The following OSBPL1A variants were observed in gnomAD, a reference collection of about 807,000 sequenced individuals.
OSBPL1A encodes the protein oxysterol binding protein like 1A, also known as oxysterol-binding protein-related protein 1.
Under a neutral mutation model 137.1 loss-of-function variants are expected in OSBPL1A, and 80 were observed. That is an observed-to-expected ratio of 0.58 (90% CI 0.49 to 0.70). OSBPL1A has a LOEUF of 0.70. Among genes scored for constraint, OSBPL1A ranks in the 30% least tolerant of loss-of-function variants. The pLI, the probability that OSBPL1A is intolerant of heterozygous loss-of-function variation, is 0.00. For missense variants in OSBPL1A, 970 were observed against 1,129.4 expected, an observed-to-expected ratio of 0.86 and a Z score of 2.02; for synonymous variants, 365 against 389.7, an observed-to-expected ratio of 0.94 and a Z score of 0.75.
intron 15 of OSBPL1A, among the ~76,000 whole-genome samples, chr18:24,270,271 T>C (rs2146055956): frequency 6.6e-6 from 1 of 152,364 alleles, no homozygotes; most frequent in African/African-American, 2.4e-5. Flanking sequence ...GTTGCATAAT[T>C]ATTTTCTCAG....
chr18:24,374,117 G>T (rs1340911686), intron 2 of OSBPL1A, among the ~76,000 whole-genome samples: 1 of 152,138 alleles, frequency 6.6e-6, no homozygotes, highest in East Asian at 1.9e-4. Context: ...CTTTGCTGAA[G>T]AATGGGGGGA....
intron 17 of OSBPL1A, among the ~76,000 whole-genome samples, chr18:24,224,635 G>A (rs940176403): frequency 1.3e-5 from 2 of 152,200 alleles, no homozygotes; most frequent in Admixed American, 1.3e-4. Flanking sequence ...CAACAGACTG[G>A]CAACATTGCC....
intron 4 of OSBPL1A, among the ~76,000 whole-genome samples, chr18:24,351,081 C>T (rs1349364265): frequency 1.3e-5 from 2 of 152,172 alleles, no homozygotes; most frequent in East Asian, 3.9e-4. Context: ...GGCACGGTGG[C>T]TCACACTTGT....
At chr18:24,263,521 T>C (rs942956431) in intron 15 of OSBPL1A, among the ~76,000 whole-genome samples, 2 of 152,354 alleles carry the variant, frequency 1.3e-5, no homozygotes, top group Admixed American at 6.5e-5. Context: ...AACACTGCGA[T>C]TGCAATATTT....
chr18:24,389,255 T>A (rs1321927502), intron 1 of OSBPL1A, among the ~76,000 whole-genome samples: 1 of 152,238 alleles, frequency 6.6e-6, no homozygotes, highest in African/African-American at 2.4e-5. Flanking sequence ...GCCATGAGAA[T>A]GTTTTCCAGG....
chr18:24,289,195 C>T (rs1237015249), intron 14 of OSBPL1A, among the ~76,000 whole-genome samples: 1 of 152,092 alleles, frequency 6.6e-6, no homozygotes, highest in Non-Finnish European at 1.5e-5. Context: ...CATCAATCCC[C>T]CTCTACCCTT....
rs561853834 is a variant in OSBPL1A at position 24,275,633 on chromosome 18, C to T, written c.1281+5209G>A. ...GATCTCTCTTCAAAGATACCAGTGT[C>T]CAGTCCAAAGAAGCAGTACAGAATT... On this transcript the variant is annotated intron_variant, in intron 15 of 27. Transcript: ENST00000319481. Among the ~76,000 whole-genome samples, 8 of 152,294 alleles carry T rather than the reference C, an allele frequency of 5.3e-5. No individual in the cohort carries two copies. In the East Asian group the frequency reaches 1.2e-3, roughly 22 times the overall value.
At chr18:24,204,558 CTTTT>C (rs34877962) in intron 17 of OSBPL1A, among the ~76,000 whole-genome samples, 2 of 143,248 alleles carry the variant, frequency 1.4e-5, no homozygotes, top group African/African-American at 2.6e-5. Flanking sequence ...AAAGCTGTTT[CTTTT>C]TTTTTTTTTT....
chr18:24,169,286 C>T (rs371738840), intron 24 of OSBPL1A, among the ~76,000 whole-genome samples: 8 of 152,330 alleles, frequency 5.3e-5, no homozygotes, highest in African/African-American at 1.7e-4. Context: ...CATAAATACA[C>T]CTTCTGCTTT....
At chr18:24,371,937 T>C (rs1386102291) in intron 2 of OSBPL1A, among the ~76,000 whole-genome samples, 1 of 152,232 alleles carries the variant, frequency 6.6e-6, no homozygotes, top group Non-Finnish European at 1.5e-5. Flanking sequence ...CCATATCCTT[T>C]GGAAAATTTA....
intron 15 of OSBPL1A, among the ~76,000 whole-genome samples, chr18:24,279,680 C>T (rs1357975291): frequency 7.9e-5 from 12 of 151,950 alleles, no homozygotes; most frequent in Non-Finnish European, 1.8e-4. Context: ...GCCTAGTGAC[C>T]TTGACTTACA....
chr18:24,265,523 T>G (rs2089549311), intron 15 of OSBPL1A, among the ~76,000 whole-genome samples: 1 of 152,078 alleles, frequency 6.6e-6, no homozygotes, highest in South Asian at 2.1e-4. Flanking sequence ...CTAAGAATTA[T>G]GCTCACAAAT....
chr18:24,307,181 G>A (rs568779819), intron 13 of OSBPL1A, among the ~76,000 whole-genome samples: 27 of 152,090 alleles, frequency 1.8e-4, no homozygotes, highest in South Asian at 6.2e-4. Flanking sequence ...TACTTAAGAA[G>A]CTGAGGCAGG....
chr18:24,256,529 T>C (rs2089279625), intron 15 of OSBPL1A, among the ~76,000 whole-genome samples: 1 of 152,160 alleles, frequency 6.6e-6, no homozygotes. Flanking sequence ...GAGGAAAAAC[T>C]GAAAGACTTT....
chr18:24,305,076 T>C (rs1329184772), intron 13 of OSBPL1A, among the ~76,000 whole-genome samples: 4 of 152,206 alleles, frequency 2.6e-5, no homozygotes, highest in Non-Finnish European at 5.9e-5. Flanking sequence ...AAAATCATCA[T>C]TCTTGCTCTA....
At chr18:24,334,901 G>C (rs577136336) in intron 5 of OSBPL1A, among the ~76,000 whole-genome samples, 1 of 152,212 alleles carries the variant, frequency 6.6e-6, no homozygotes, top group African/African-American at 2.4e-5. Context: ...TGTATATTTA[G>C]TGGGATCACC....
intron 15 of OSBPL1A, among the ~76,000 whole-genome samples, chr18:24,255,687 C>T (rs1351561279): frequency 6.6e-6 from 1 of 152,128 alleles, no homozygotes; most frequent in Non-Finnish European, 1.5e-5. Flanking sequence ...TGTGCTCTGA[C>T]CACCTTCAGA....
intron 14 of OSBPL1A, among the ~76,000 whole-genome samples, chr18:24,282,811 A>C (rs1204590336): frequency 1.3e-5 from 2 of 152,076 alleles, no homozygotes; most frequent in Non-Finnish European, 2.9e-5. Context: ...GTTAAAAGAC[A>C]CAAGATTACA....
intron 17 of OSBPL1A, among the ~76,000 whole-genome samples, chr18:24,205,328 T>G (rs1193050088): frequency 6.6e-6 from 1 of 152,220 alleles, no homozygotes. Context: ...GGAGTTCCCA[T>G]GAAACAATGC....
Sources: gnomAD v4.1 joint callset for allele counts (sites outside exome capture counted in the v4.1 genomes callset) on GRCh38, gnomAD v4.1.1 for gene constraint, MANE v1.5 for transcripts, NCBI Gene and HGNC (gene_info 2026-07-23, HGNC 2026-07-21) for gene names.